Variants in PCBP3 observed in about 807,000 individuals in gnomAD.
PCBP3 encodes the protein poly(rC) binding protein 3, also known as poly(rC)-binding protein 3.
A neutral mutation model predicts 52.7 loss-of-function variants in PCBP3; 25 were observed. The ratio of observed to expected loss-of-function variants is 0.47; its 90% CI spans 0.35 to 0.66. The LOEUF is 0.66. PCBP3 is among the 30% of genes least tolerant of loss of function. The probability of loss-of-function intolerance (pLI) is 0.01; values close to 1 mark genes in which losing one functional copy is unlikely to be tolerated. For synonymous variants in PCBP3, 162 were observed against 183.0 expected (o/e 0.89, Z 0.93); for missense variants, 391 against 490.3 (o/e 0.80, Z 1.91).
chr21:45,700,377 A>G (rs1033734599), intron 2 of PCBP3, among the ~76,000 whole-genome samples: 4 of 152,226 alleles, frequency 2.6e-5, no homozygotes, highest in Non-Finnish European at 4.4e-5. Flanking sequence ...GAACGCATTA[A>G]TCAGAATTCT....
intron 2 of PCBP3, chr21:45,673,549 G>A (rs964390975): frequency 6.6e-6 from 1 of 152,162 alleles, no homozygotes; most frequent in Non-Finnish European, 1.5e-5. Flanking sequence ...CCTACAAGAA[G>A]TGCCTGGGCC....
intron 5 of PCBP3, among the ~76,000 whole-genome samples, chr21:45,882,726 T>G (rs1312088057): frequency 6.6e-6 from 1 of 152,170 alleles, no homozygotes; most frequent in African/African-American, 2.4e-5. Context: ...AGGGTCTAAT[T>G]TCATTCTTCT....
intron 2 of PCBP3, among the ~76,000 whole-genome samples, chr21:45,675,507 A>C (rs1280459392): frequency 6.6e-6 from 1 of 152,192 alleles, no homozygotes; most frequent in African/African-American, 2.4e-5. Flanking sequence ...TGACCCACTG[A>C]GGGCAGTAAT....
intron 4 of PCBP3, among the ~76,000 whole-genome samples, chr21:45,759,561 T>C (rs1483304295): frequency 6.6e-6 from 1 of 152,218 alleles, no homozygotes; most frequent in African/African-American, 2.4e-5. Flanking sequence ...CTCTGGTTTT[T>C]ACTGTAATCC....
In PCBP3 at chr21:45,904,232, T is replaced by A. The variant is rs866958787; in HGVS notation, c.339+3119T>A. 5.5e-4 allele frequency among the ~76,000 whole-genome samples: 84 copies of A among 152,176 alleles called. No homozygotes were observed. The highest frequency in any genetic ancestry group is 2.0e-3 in the African/African-American group (81 of 41,448). ...CAGGAATTCCTAAAGGTACAAGCCT[T>A]CCAGTCATCAGTCCATGGAGGAAGA... On this transcript the variant is annotated intron_variant, in intron 9 of 17. Coordinates refer to ENST00000681687, the MANE Select transcript of PCBP3 (RefSeq NM_001384156.1). The surrounding 1 kb of genome is among the most constrained non-coding windows in gnomAD (Gnocchi z 4.8).
intron 4 of PCBP3, among the ~76,000 whole-genome samples, chr21:45,787,945 G>A (rs909085986): frequency 3.9e-5 from 6 of 152,204 alleles, no homozygotes; most frequent in African/African-American, 1.4e-4. Context: ...TGCAAGTAAA[G>A]GGTAACTTTT....
rs139387271 is a variant in PCBP3, at chr21:45,670,089, A to G, written c.-200+1137A>G. Reference sequence around the variant, plus strand: ...TTTTACATTTCTACCAGCAATGCACAAGGGTTCCAGCTTCTCCACATCCTA... The same window carrying G: ...TTTTACATTTCTACCAGCAATGCACGAGGGTTCCAGCTTCTCCACATCCTA... On this transcript the variant is annotated intron_variant, in intron 2 of 17. Coordinates refer to ENST00000681687, the MANE Select transcript of PCBP3 (RefSeq NM_001384156.1). Among the ~76,000 whole-genome samples, 399 of 152,166 alleles carry G rather than the reference A, an allele frequency of 2.6e-3. 4 individuals carry two copies. The East Asian group carries it at 0.036, about 14-fold the overall frequency.
Position 45,903,268 on chromosome 21 carries a change from C to A in PCBP3, c.339+2155C>A, listed in dbSNP as rs569524842. 4.6e-5 allele frequency among the ~76,000 whole-genome samples: 7 copies of A among 152,204 alleles called. No homozygotes were observed. In the South Asian group the frequency reaches 1.5e-3, roughly 32 times the overall value. Reference sequence around the variant, plus strand: ...CCTGTTTTAGTTTCTCCCTCGTGGCCAGGGTTTCGTGGCCAGTTGCCCCAT... The same window carrying A: ...CCTGTTTTAGTTTCTCCCTCGTGGCAAGGGTTTCGTGGCCAGTTGCCCCAT... On this transcript the variant is annotated intron_variant, in intron 9 of 17. Coordinates refer to ENST00000681687, the MANE Select transcript of PCBP3 (RefSeq NM_001384156.1).
chr21:45,812,639 G>A (rs560142960), intron 4 of PCBP3, among the ~76,000 whole-genome samples: 2 of 152,290 alleles, frequency 1.3e-5, no homozygotes, highest in East Asian at 1.9e-4. Context: ...TGATCCGCCC[G>A]CTTCGGCCTC....
intron 11 of PCBP3, among the ~76,000 whole-genome samples, chr21:45,912,608 C>T (rs890142719): frequency 6.6e-6 from 1 of 152,068 alleles, no homozygotes; most frequent in Non-Finnish European, 1.5e-5. Context: ...ACCCTGTACC[C>T]AGTGCAGGGA....
At chr21:45,836,049 C>A (rs577384973) in intron 4 of PCBP3, among the ~76,000 whole-genome samples, 1 of 152,126 alleles carries the variant, frequency 6.6e-6, no homozygotes, top group African/African-American at 2.4e-5. Context: ...ACGTGGGGCC[C>A]GAGATGACAA....
At chr21:45,919,293 T>A (rs2074063697) in intron 13 of PCBP3, 1 of 152,214 alleles carries the variant, frequency 6.6e-6, no homozygotes, top group Admixed American at 6.5e-5. Flanking sequence ...CTGCTCCCTC[T>A]GAACTGCGAG....
chr21:45,786,707 C>T (rs2091189880), intron 4 of PCBP3, among the ~76,000 whole-genome samples: 1 of 152,154 alleles, frequency 6.6e-6, no homozygotes, highest in Admixed American at 6.5e-5. Flanking sequence ...ATGGTATGTT[C>T]CTGTTGTTTA....
chr21:45,780,080 T>C (rs2090524793), intron 4 of PCBP3, among the ~76,000 whole-genome samples: 2 of 152,162 alleles, frequency 1.3e-5, no homozygotes, highest in South Asian at 4.1e-4. Flanking sequence ...GAAAAAAAAA[T>C]CCTATACTTT....
chr21:45,647,627 A>G (rs2079404585), intron 1 of PCBP3, among the ~76,000 whole-genome samples: 2 of 152,164 alleles, frequency 1.3e-5, no homozygotes, highest in Admixed American at 6.5e-5. Context: ...ACCGGAGTAC[A>G]GAGTGTGTAG....
intron 2 of PCBP3, among the ~76,000 whole-genome samples, chr21:45,675,810 A>G (rs1452694407): frequency 6.6e-6 from 1 of 152,156 alleles, no homozygotes; most frequent in African/African-American, 2.4e-5. Flanking sequence ...TGTAAAAGCA[A>G]TGGCAGGTGC....
Position 45,845,382 on chromosome 21 carries a change from T to C in PCBP3, c.-125-4579T>C, listed in dbSNP as rs115000708. ...AGCTGCTTAAGCACCCGTGTGCACA[T>C]GTGTGTAAGTGTGTGCCTTTGCCAT... On this transcript the variant is annotated intron_variant, in intron 4 of 17. Coordinates refer to ENST00000681687, the MANE Select transcript of PCBP3 (RefSeq NM_001384156.1). 5.3e-3 allele frequency among the ~76,000 whole-genome samples: 806 copies of C among 151,902 alleles called. 4 individuals carry two copies. Among genetic ancestry groups the C allele is most frequent in the African/African-American group, 0.018 (754 of 41,400 alleles).
chr21:45,733,937 C>A (rs1265216317), intron 2 of PCBP3, among the ~76,000 whole-genome samples: 1 of 152,214 alleles, frequency 6.6e-6, no homozygotes, highest in African/African-American at 2.4e-5. Context: ...TTGTATCTTA[C>A]TGATCAACCA....
chr21:45,673,056 T>A (rs2081267385), intron 2 of PCBP3, among the ~76,000 whole-genome samples: 1 of 152,260 alleles, frequency 6.6e-6, no homozygotes, highest in Non-Finnish European at 1.5e-5. Context: ...TGACATGCAC[T>A]GTATAAAATA....
Sources: gnomAD v4.1 joint callset for allele counts (sites outside exome capture counted in the v4.1 genomes callset) on GRCh38, gnomAD v4.1.1 for gene constraint, Gnocchi (gnomAD v3.1) non-coding constraint, MANE v1.5 for transcripts, NCBI Gene and HGNC (gene_info 2026-07-23, HGNC 2026-07-21) for gene names.